PCDHA9: variants seen among roughly 807,000 people sequenced by gnomAD.
PCDHA9 encodes the protein protocadherin alpha 9.
Under a neutral mutation model 62.0 loss-of-function variants are expected in PCDHA9, and 62 were observed. The observed-to-expected ratio is 1.00, with a 90% confidence interval of 0.81 to 1.23. The LOEUF is 1.23. Among genes scored for constraint, PCDHA9 ranks in the 50% most tolerant of loss-of-function variants. The pLI, the probability that PCDHA9 is intolerant of heterozygous loss-of-function variation, is 0.00. For missense variants in PCDHA9, 1,205 were observed against 1,249.8 expected (o/e 0.96, Z 0.54); for synonymous variants, 557 against 567.6 (o/e 0.98, Z 0.27).
At chr5:140,946,893 A>T (rs1233227457) in intron 1 of PCDHA9, among the ~76,000 whole-genome samples, 1 of 151,482 alleles carries the variant, frequency 6.6e-6, no homozygotes, top group African/African-American at 2.4e-5. Context: ...TTACAATTAG[A>T]TAGGAAGAAT....
Position 140,928,935 on chromosome 5 carries a change from C to G in PCDHA9, c.2395-50014C>G, listed in dbSNP as rs782430427. On this transcript the variant is annotated intron_variant, in intron 1 of 3. Transcript: ENST00000532602. ...CAGGAGGGCAGCTTTCTGCCCAGAA[C>G]TTGTATTTAGTAATTGCCTTGGCTT... The G allele has an allele frequency of 2.5e-6, 4 of 1,613,984 alleles. No individual in the cohort carries two copies. The East Asian group carries it at 8.9e-5, about 36-fold the overall frequency.
chr5:140,972,766 T>G (rs2096555102), intron 1 of PCDHA9, among the ~76,000 whole-genome samples: 1 of 149,250 alleles, frequency 6.7e-6, no homozygotes, highest in African/African-American at 2.5e-5. Flanking sequence ...CAAGTTAAAG[T>G]GATTCTTCTG....
At chr5:140,890,961 TTTTG>T (rs1239214366) in intron 1 of PCDHA9, among the ~76,000 whole-genome samples, 3 of 152,172 alleles carry the variant, frequency 2.0e-5, no homozygotes, top group African/African-American at 7.2e-5. Flanking sequence ...TGATTTCAGG[TTTTG>T]TTTTTCTGAA....
intron 3 of PCDHA9, among the ~76,000 whole-genome samples, chr5:141,007,992 C>T (rs1215200964): frequency 1.3e-5 from 2 of 152,132 alleles, no homozygotes; most frequent in Admixed American, 6.5e-5. Context: ...ATGAAATGTA[C>T]ATGTTAATAA....
At chr5:140,906,766 C>T (rs1162031965) in intron 1 of PCDHA9, among the ~76,000 whole-genome samples, 1 of 152,224 alleles carries the variant, frequency 6.6e-6, no homozygotes, top group African/African-American at 2.4e-5. Flanking sequence ...TACTAAGAGA[C>T]ACCCTAAGGG....
chr5:140,953,034 C>T (rs1337571700), intron 1 of PCDHA9, among the ~76,000 whole-genome samples: 1 of 152,168 alleles, frequency 6.6e-6, no homozygotes, highest in Non-Finnish European at 1.5e-5. Context: ...GGGAAATCCA[C>T]CCCCATGATC....
chr5:140,988,381 T>C (rs1554250091), intron 3 of PCDHA9, among the ~76,000 whole-genome samples: 3 of 152,158 alleles, frequency 2.0e-5, no homozygotes, highest in Admixed American at 6.5e-5. Flanking sequence ...GTGAAACTCA[T>C]TGTGTTTGCC....
intron 1 of PCDHA9, among the ~76,000 whole-genome samples, chr5:140,901,369 C>G (rs1366309820): frequency 1.3e-5 from 2 of 152,120 alleles, no homozygotes; most frequent in African/African-American, 2.4e-5. Flanking sequence ...GTCTTTAATC[C>G]ATTTTAATTC....
rs782637341 is a variant in PCDHA9, at chr5:141,010,225, C to A, written c.*288C>A. Reference sequence around the variant, plus strand: ...CCGCCGCAAAGGAGAGGCTTCCCAGCCCCGCCAGTGAGAGGTTGGACTCTC... The same window carrying A: ...CCGCCGCAAAGGAGAGGCTTCCCAGACCCGCCAGTGAGAGGTTGGACTCTC... On this transcript the variant is annotated 3_prime_UTR_variant, in exon 4 of 4. Transcript: ENST00000532602. 11 of 1,551,730 alleles carry A rather than the reference C, an allele frequency of 7.1e-6. No homozygotes were observed. The highest frequency in any genetic ancestry group is 8.7e-6 in the Non-Finnish European group (10 of 1,147,034).
chr5:140,952,379 G>T (rs1384901092), intron 1 of PCDHA9, among the ~76,000 whole-genome samples: 1 of 151,322 alleles, frequency 6.6e-6, no homozygotes, highest in Non-Finnish European at 1.5e-5. Flanking sequence ...TCCTCTGCCA[G>T]GTACCCTAAA....
intron 3 of PCDHA9, among the ~76,000 whole-genome samples, chr5:141,000,417 A>T (rs1334137638): frequency 1.8e-3 from 141 of 77,654 alleles, no homozygotes; most frequent in African/African-American, 4.6e-3. Context: ...ATATATATAT[A>T]TATATTTTTT....
intron 1 of PCDHA9, chr5:140,869,302 G>C (rs985203011): frequency 6.2e-7 from 1 of 1,613,642 alleles, no homozygotes; most frequent in Admixed American, 1.7e-5. Context: ...GTTCCGGGTG[G>C]CGTCCAAAAC....
intron 2 of PCDHA9, 138 bp from the exon 3 acceptor site, chr5:140,982,337 A>G: frequency 6.9e-7 from 1 of 1,455,066 alleles, no homozygotes; most frequent in East Asian, 2.5e-5. Context: ...CTCAGCAGTA[A>G]TTGCTTCAGT....
intron 1 of PCDHA9, chr5:140,966,488 C>T: frequency 2.3e-6 from 1 of 440,248 alleles, no homozygotes; most frequent in Non-Finnish European, 3.9e-6. Flanking sequence ...TTTCCCTCCC[C>T]CTGGAGCTGT....
intron 1 of PCDHA9, among the ~76,000 whole-genome samples, chr5:140,973,841 G>A (rs2096604649): frequency 6.6e-6 from 1 of 152,188 alleles, no homozygotes; most frequent in Admixed American, 6.5e-5. Context: ...CTTGCTTGTT[G>A]CCTACCAATT....
At chr5:140,928,856 T>G (rs540865490) in intron 1 of PCDHA9, 1 of 1,614,218 alleles carries the variant, frequency 6.2e-7, no homozygotes, top group African/African-American at 1.3e-5. Context: ...CTGGGTGTGC[T>G]GTTGAGCAAC....
intron 1 of PCDHA9, chr5:140,856,082 T>C (rs781798552): frequency 6.9e-6 from 11 of 1,594,900 alleles, no homozygotes; most frequent in Non-Finnish European, 8.6e-6. Context: ...GGGGGTCCAG[T>C]GTCTGCTGCT....
intron 1 of PCDHA9, chr5:140,966,951 C>T (rs781885198): frequency 6.2e-7 from 1 of 1,603,742 alleles, no homozygotes; most frequent in Non-Finnish European, 8.5e-7. Context: ...GGCAACGTGG[C>T]TCGCGCGCTG....
Position 140,968,897 on chromosome 5 carries a change from G to A in PCDHA9, c.2395-10052G>A, listed in dbSNP as rs1554231210. On this transcript the variant is annotated intron_variant, in intron 1 of 3. Transcript: ENST00000532602. The stretch of plus-strand genomic sequence containing the variant: ...TGAAATTACCCTTTATCTAATAATA[G>A]CATTAAGCACAGTGTCTTTTATATT... The A allele has an allele frequency of 3.7e-6, 6 of 1,614,034 alleles. No homozygotes were observed. In the African/African-American group the frequency reaches 4.0e-5, roughly 11 times the overall value.
Sources: allele counts gnomAD v4.1 joint callset (sites outside exome capture counted in the v4.1 genomes callset), GRCh38; gene constraint gnomAD v4.1.1; transcripts MANE v1.5; gene names NCBI Gene and HGNC (gene_info 2026-07-23, HGNC 2026-07-21).